SYT1: variants seen among roughly 807,000 people sequenced by gnomAD.
SYT1 encodes the protein synaptotagmin-1.
Under a neutral mutation model 44.8 loss-of-function variants are expected in SYT1, and 8 were observed. The observed-to-expected ratio is 0.18, with a 90% CI of 0.10 to 0.32. The LOEUF (loss-of-function observed/expected upper bound fraction) is 0.32. Ranked by LOEUF, SYT1 falls within the 10% of genes least tolerant of loss-of-function variation. SYT1 has a pLI of 1.00. For missense variants in SYT1, 286 were observed against 509.3 expected, an observed-to-expected ratio of 0.56 and a Z score of 4.22; for synonymous variants, 154 against 188.8, an observed-to-expected ratio of 0.82 and a Z score of 1.51.
At chr12:79,408,281 C>A (rs1868308472) in intron 9 of SYT1, among the ~76,000 whole-genome samples, 1 of 152,122 alleles carries the variant, frequency 6.6e-6, no homozygotes, top group African/African-American at 2.4e-5. Context: ...TGCTGAATTT[C>A]ACAACTATTG....
At chr12:78,873,895 T>A (rs1046755570) in intron 1 of SYT1, among the ~76,000 whole-genome samples, 5 of 151,686 alleles carry the variant, frequency 3.3e-5, no homozygotes, top group African/African-American at 1.2e-4. Flanking sequence ...GAGCAATAGC[T>A]AATAGCCATA....
intron 8 of SYT1, among the ~76,000 whole-genome samples, chr12:79,333,203 A>T (rs372838744): frequency 3.9e-5 from 6 of 152,222 alleles, no homozygotes. Flanking sequence ...CTGGAAGCTG[A>T]GAAGTCTGAG....
At chr12:79,226,646 A>G (rs1038902420) in intron 4 of SYT1, among the ~76,000 whole-genome samples, 5 of 152,222 alleles carry the variant, frequency 3.3e-5, no homozygotes, top group African/African-American at 4.8e-5. Flanking sequence ...ATGGTAAATC[A>G]ATGTTAGAAA....
intron 1 of SYT1, among the ~76,000 whole-genome samples, chr12:78,922,004 A>C (rs7967317): frequency 5.3e-5 from 8 of 149,564 alleles, no homozygotes; most frequent in South Asian, 2.1e-4. Context: ...AAAAAAAAAA[A>C]CTTTTGATCA....
chr12:79,414,248 C>T (rs988033760), intron 9 of SYT1, among the ~76,000 whole-genome samples: 1 of 152,294 alleles, frequency 6.6e-6, no homozygotes, highest in Middle Eastern at 3.4e-3. Context: ...GTACAAATTA[C>T]TGGCCTATAA....
Position 79,293,411 on chromosome 12 carries a change from T to TAAAATA in SYT1, c.474+1285_474+1286insTAAAAA, listed in dbSNP as rs1565894734. Among the ~76,000 whole-genome samples, 55 of 62,990 alleles carry TAAAATA rather than the reference T, an allele frequency of 8.7e-4. 2 individuals carry two copies. Among genetic ancestry groups the TAAAATA allele is most frequent in the African/African-American group, 2.9e-3 (52 of 17,842 alleles). The allele number at this position is 62,990 out of a possible 152,430, so 41.3% of individuals were successfully genotyped here. A position where few individuals can be genotyped will look rare whatever the true frequency, so the allele number is the denominator to read the frequency against. On this transcript the variant is annotated intron_variant, in intron 6 of 10. Transcript: ENST00000261205. ...AAAATAAAATAAAATAAAATAAAAT[T>TAAAATA]AAAAAATCTGTAAGACATAGCCCTT...
At chr12:78,968,527 A>C (rs1868301487) in intron 1 of SYT1, among the ~76,000 whole-genome samples, 1 of 152,212 alleles carries the variant, frequency 6.6e-6, no homozygotes. Flanking sequence ...GTGAATTTCA[A>C]GTGTTCCCTG....
At chr12:79,379,051 T>C (rs1884113936) in intron 9 of SYT1, among the ~76,000 whole-genome samples, 1 of 152,132 alleles carries the variant, frequency 6.6e-6, no homozygotes, top group Non-Finnish European at 1.5e-5. Context: ...TCTAAAATCT[T>C]CCATAGTAAT....
chr12:79,096,771 T>A (rs1268164314), intron 3 of SYT1, among the ~76,000 whole-genome samples: 2 of 151,996 alleles, frequency 1.3e-5, no homozygotes, highest in Non-Finnish European at 2.9e-5. Flanking sequence ...AGCAGGGGCA[T>A]GACATCTTCA....
chr12:79,278,318 C>G (rs1486236767), intron 4 of SYT1, among the ~76,000 whole-genome samples: 1 of 152,134 alleles, frequency 6.6e-6, no homozygotes. Context: ...AGTATCTTCT[C>G]AGACCACAGC....
At chr12:78,889,641 C>T (rs990232628) in intron 1 of SYT1, among the ~76,000 whole-genome samples, 1 of 149,888 alleles carries the variant, frequency 6.7e-6, no homozygotes, top group East Asian at 2.0e-4. Flanking sequence ...TAACGAAGAG[C>T]CCATGTCTTG....
chr12:79,105,751 G>T (rs544962371), intron 3 of SYT1, among the ~76,000 whole-genome samples: 1 of 152,140 alleles, frequency 6.6e-6, no homozygotes, highest in African/African-American at 2.4e-5. Flanking sequence ...CTGGTGGCGG[G>T]CGCCTGTAGT....
At chr12:79,068,709 A>G (rs1028964888) in intron 3 of SYT1, among the ~76,000 whole-genome samples, 1 of 152,132 alleles carries the variant, frequency 6.6e-6, no homozygotes, top group Non-Finnish European at 1.5e-5. Flanking sequence ...CAGAAAAGAG[A>G]AAAGAAACAG....
intron 3 of SYT1, among the ~76,000 whole-genome samples, chr12:79,125,357 TC>T (rs1868372539): frequency 6.6e-6 from 1 of 150,818 alleles, no homozygotes; most frequent in Admixed American, 6.6e-5. Flanking sequence ...GTGCCTATAA[TC>T]CCAGCAATTT....
chr12:79,034,904 A>T lies in SYT1; in HGVS notation c.-83-12393A>T, dbSNP rs1319887124. On this transcript the variant is annotated intron_variant, in intron 2 of 10. Transcript: ENST00000261205. ...AGGGATAAAAAATAATGGTGTCTTT[A>T]GAGTAATTTAGCATGAGAAGTTGAT... Among the ~76,000 whole-genome samples, 3 of 151,836 alleles carry T rather than the reference A, an allele frequency of 2.0e-5. No individual in the cohort carries two copies. In the East Asian group the frequency reaches 5.8e-4, roughly 29 times the overall value.
intron 1 of SYT1, among the ~76,000 whole-genome samples, chr12:78,870,204 G>T (rs1378318381): frequency 6.6e-6 from 1 of 152,024 alleles, no homozygotes; most frequent in Non-Finnish European, 1.5e-5. Context: ...ATACTAGCTT[G>T]CAACCATGCT....
intron 9 of SYT1, among the ~76,000 whole-genome samples, chr12:79,400,811 G>A (rs1885040941): frequency 1.3e-5 from 2 of 152,164 alleles, no homozygotes; most frequent in South Asian, 2.1e-4. Flanking sequence ...CCTCAGTAGT[G>A]CATTTGGTTT....
At chr12:79,197,484 C>T (rs1873531154) in intron 3 of SYT1, among the ~76,000 whole-genome samples, 1 of 151,938 alleles carries the variant, frequency 6.6e-6, no homozygotes, top group Admixed American at 6.6e-5. Context: ...TCTCCTCCTC[C>T]GGGTAAGAAA....
At chr12:79,199,703 T>C (rs569559508) in intron 3 of SYT1, among the ~76,000 whole-genome samples, 1 of 152,100 alleles carries the variant, frequency 6.6e-6, no homozygotes. Context: ...TATAACAGAG[T>C]AATGCAAAAT....
Sources: allele counts gnomAD v4.1 joint callset (sites outside exome capture counted in the v4.1 genomes callset), GRCh38; gene constraint gnomAD v4.1.1; transcripts MANE v1.5; gene names NCBI Gene and HGNC (gene_info 2026-07-23, HGNC 2026-07-21).